The following ATAT1 variants were observed in gnomAD, a reference collection of about 807,000 sequenced individuals.
ATAT1 encodes alpha-tubulin N-acetyltransferase 1.
In ATAT1, 42 loss-of-function variants were observed where a neutral mutation model predicts 57.2. The ratio of observed to expected loss-of-function variants is 0.73; its 90% confidence interval spans 0.57 to 0.95. ATAT1 has a LOEUF of 0.95. ATAT1 is among the 40% of genes least tolerant of loss of function. The pLI is 0.00. For missense variants in ATAT1, 454 were observed against 523.7 expected (o/e 0.87, Z 1.30); for synonymous variants, 168 against 187.1 (o/e 0.90, Z 0.83).
Position 30,642,833 on chromosome 6 carries a change from G to GGGGGGGGGGCGGCC in ATAT1, c.754_755insGGGGGGGGGCGGCC (p.Ala252GlyfsTer72). Reference sequence around the variant, plus strand: ...GGCCCCTCGCCGCGCCACACCTCCAGCCCACCCACCCCCCCGCTCCAGCAG... The same window carrying GGGGGGGGGGCGGCC: ...GGCCCCTCGCCGCGCCACACCTCCAGGGGGGGGGGCGGCCCCCACCCACCCCCCCGCTCCAGCAG... On this transcript the variant is annotated frameshift_variant, in exon 10 of 13. Transcript: ENST00000330083. LOFTEE classifies it high-confidence loss of function. 6.5e-7 allele frequency: 1 copy of GGGGGGGGGGCGGCC among 1,537,874 alleles called. No individual in the cohort carries two copies. The highest frequency in any genetic ancestry group is 8.7e-7 in the Non-Finnish European group (1 of 1,145,780).
chr6:30,637,869 C>T (rs879820885), intron 6 of ATAT1, among the ~76,000 whole-genome samples: 8 of 151,762 alleles, frequency 5.3e-5, no homozygotes, highest in East Asian at 3.9e-4. Flanking sequence ...CCAGCTGCTC[C>T]GGAGGCTGAG....
intron 8 of ATAT1, 140 bp from the exon 9 acceptor site, chr6:30,642,036 A>G: frequency 1.3e-6 from 2 of 1,537,130 alleles, no homozygotes; most frequent in South Asian, 1.3e-5. Flanking sequence ...TGGCATTGCC[A>G]TGGTGCTGCT....
At chr6:30,628,861 C>T (rs1762225754) in intron 6 of ATAT1, among the ~76,000 whole-genome samples, 1 of 151,954 alleles carries the variant, frequency 6.6e-6, no homozygotes, top group Admixed American at 6.6e-5. Context: ...CCTTGGCCTC[C>T]CAAAATGCTG....
rs1431806713 is a variant in ATAT1 at position 30,626,936 on chromosome 6, G to A, written c.-268G>A. 6.2e-7 allele frequency: 1 copy of A among 1,609,382 alleles called. No homozygotes were observed. The highest frequency in any genetic ancestry group is 8.5e-7 in the Non-Finnish European group (1 of 1,178,580). On this transcript the variant is annotated 5_prime_UTR_variant, in exon 1 of 13. Transcript: ENST00000330083. ...CGCTGTTCCCGGAGCGGATCACGGT[G>A]CTGGACCAGCACCTGAGGCCCCCAG...
At chr6:30,633,867 A>G (rs9501026) in intron 6 of ATAT1, 2,352 of 170,370 alleles carry the variant, frequency 0.014, 65 homozygotes, top group African/African-American at 0.053. Flanking sequence ...AAAACGAAGC[A>G]GCTGAGGCGG....
intron 10 of ATAT1, chr6:30,643,838 G>A (rs2032133): frequency 0.017 from 21,906 of 1,316,956 alleles, 241 homozygotes; most frequent in African/African-American, 0.034. Context: ...CAGACTTCTT[G>A]GTTAGATGGC....
intron 6 of ATAT1, among the ~76,000 whole-genome samples, chr6:30,637,817 A>G (rs1764474879): frequency 6.6e-6 from 1 of 151,988 alleles, no homozygotes; most frequent in Non-Finnish European, 1.5e-5. Flanking sequence ...CTCTACTGAA[A>G]ATACAAAAAT....
chr6:30,636,016 G>A (rs970455574), intron 6 of ATAT1, among the ~76,000 whole-genome samples: 1 of 152,206 alleles, frequency 6.6e-6, no homozygotes, highest in Non-Finnish European at 1.5e-5. Context: ...AACTGTTGAA[G>A]TGATGTCATT....
Position 30,642,891 on chromosome 6 carries a change from G to A in ATAT1, c.812G>A (p.Arg271His), listed in dbSNP as rs371107713. ...AACTCACCAGAACGAGGTCCCCTCC[G>A]CCCCTTTGTGCCAGAGCAGGAGCTG... The change falls in exon 10 of 13, where the codon CGC becomes CAC. Residue 271 changes from arginine to histidine, a missense_variant. Around this residue, in one of 3 missense-constraint regions of ATAT1, gnomAD observed 216 missense variants for 222.2 expected, o/e 0.97. Transcript: ENST00000330083. 6.9e-5 allele frequency: 89 copies of A among 1,286,322 alleles called. No individual in the cohort carries two copies. The highest frequency in any genetic ancestry group is 2.1e-4 in the African/African-American group (10 of 47,268). The allele number at this position is 1,286,322 out of a possible 1,614,324, so 79.7% of individuals were successfully genotyped here.
At chr6:30,627,995 CG>C in intron 4 of ATAT1, 36 bp from the exon 5 acceptor site, 1 of 1,609,450 alleles carries the variant, frequency 6.2e-7, no homozygotes, top group Non-Finnish European at 8.5e-7. Flanking sequence ...GCAGAGATGC[CG>C]GGGTTCCTAA....
Position 30,640,547 on chromosome 6 carries a change from C to T in ATAT1, c.560C>T (p.Pro187Leu). ...TCCTTCCTCACAGGGCCCCCTGCTC[C>T]CTCTCTGAGGGCAACTCGACACTCT... The change falls in exon 8 of 13, where the codon CCC (proline) becomes CTC (leucine). Residue 187 changes from proline to leucine, a missense_variant. Pro to Leu is a moderately conservative substitution (Grantham distance 98, BLOSUM62 -3). This residue lies in a region of ATAT1 where 236 missense variants were observed against 284.5 expected (regional missense o/e 0.83). Coordinates refer to ENST00000330083, the MANE Select transcript of ATAT1 (RefSeq NM_001031722.4). The T allele has an allele frequency of 6.2e-7, 1 of 1,612,992 alleles. No homozygotes were observed. Among genetic ancestry groups the T allele is most frequent in the South Asian group, 1.1e-5 (1 of 91,072 alleles).
Position 30,627,570 on chromosome 6 carries a change from G to A in ATAT1, c.132+50G>A, listed in dbSNP as rs1490922655. ...TAAAGGGAGGACCTCTGTGGGGATG[G>A]TATATAAGGGAGGCCTGGGTCCTTC... On this transcript the variant is annotated intron_variant, in intron 2 of 12. Coordinates refer to ENST00000330083, the MANE Select transcript of ATAT1 (RefSeq NM_001031722.4). 7 of 1,605,820 alleles carry A rather than the reference G, an allele frequency of 4.4e-6. No homozygotes were observed. In the South Asian group the frequency reaches 4.4e-5, roughly 10 times the overall value.
chr6:30,639,479 CTTTT>C (rs979708714), intron 6 of ATAT1, among the ~76,000 whole-genome samples: 6 of 139,518 alleles, frequency 4.3e-5, no homozygotes, highest in African/African-American at 7.8e-5. Context: ...CACTTTCTTT[CTTTT>C]TTTTTTTTTT....
chr6:30,642,302 G>A, intron 9 of ATAT1, 55 bp downstream of exon 9: 1 of 1,609,480 alleles, frequency 6.2e-7, no homozygotes, highest in South Asian at 1.1e-5. Flanking sequence ...CACAAGGGAA[G>A]AGAATGCTCA....
Position 30,642,878 on chromosome 6 carries a change from C to A in ATAT1, c.799C>A (p.Arg267=). ...CAGCAGCCTGGGAAACTCACCAGAA[C>A]GAGGTCCCCTCCGCCCCTTTGTGCC... is the stretch of plus-strand genomic sequence containing the variant. Residue 267 remains arginine (R), a synonymous_variant, in exon 10 of 13, where the codon CGA becomes AGA. Coordinates refer to ENST00000330083, the MANE Select transcript of ATAT1 (RefSeq NM_001031722.4). 1 of 1,528,868 alleles carries A rather than the reference C, an allele frequency of 6.5e-7. No individual in the cohort carries two copies. Among genetic ancestry groups the A allele is most frequent in the South Asian group, 1.2e-5 (1 of 86,458 alleles). 94.7% of individuals were successfully genotyped at this position (1,528,868 alleles called of 1,614,324 possible). A position where few individuals can be genotyped will look rare whatever the true frequency, so the allele number is the denominator to read the frequency against.
At chr6:30,633,787 G>A (rs1029338836) in intron 6 of ATAT1, 1 of 179,464 alleles carries the variant, frequency 5.6e-6, no homozygotes, top group African/African-American at 2.4e-5. Flanking sequence ...GGTAGATGAA[G>A]AAGAGGAACA....
chr6:30,634,691 TAA>T (rs1318815753), intron 6 of ATAT1, among the ~76,000 whole-genome samples: 6 of 128,142 alleles, frequency 4.7e-5, no homozygotes, highest in East Asian at 2.2e-4. Flanking sequence ...AAACCTTGTT[TAA>T]AAAAAAAAAA....
At chr6:30,645,861 G>A in intron 10 of ATAT1, 34 bp from the exon 11 acceptor site, 1 of 1,429,496 alleles carries the variant, frequency 7.0e-7, no homozygotes, top group African/African-American at 1.4e-5. Context: ...TCATCCAGTA[G>A]CCTCCTCCCC....
intron 12 of ATAT1, 23 bp downstream of exon 12, chr6:30,646,132 A>G: frequency 6.2e-7 from 1 of 1,602,214 alleles, no homozygotes; most frequent in Non-Finnish European, 8.5e-7. Context: ...CCCCTCCCCT[A>G]ACAGCCTCCC....
Sources: allele counts gnomAD v4.1 joint callset (sites outside exome capture counted in the v4.1 genomes callset), GRCh38; gene constraint gnomAD v4.1.1; regional missense constraint gnomAD v4.1.1; transcripts MANE v1.5; gene names NCBI Gene and HGNC (gene_info 2026-07-23, HGNC 2026-07-21).